Variants in CSRP2 observed in about 807,000 individuals in gnomAD.
The protein encoded by CSRP2 is cysteine and glycine-rich protein 2.
In CSRP2, 18 loss-of-function variants were observed where a neutral mutation model predicts 24.6. The observed-to-expected ratio is 0.73, with a 90% CI of 0.51 to 1.09. CSRP2 has a LOEUF of 1.09. Among genes scored for constraint, CSRP2 ranks in the 50% least tolerant of loss-of-function variants. CSRP2 has a pLI of 0.00. For missense variants in CSRP2, 215 were observed against 239.4 expected (o/e 0.90, Z 0.67); for synonymous variants, 87 against 84.3 (o/e 1.03, Z -0.18).
At chr12:76,863,652 A>C (rs988717362) in intron 2 of CSRP2, 5 of 222,968 alleles carry the variant, frequency 2.2e-5, no homozygotes, top group East Asian at 1.0e-4. Flanking sequence ...TGTGGTGCTG[A>C]TCAAACTCTT....
At chr12:76,868,089 T>C (rs11115918) in intron 1 of CSRP2, among the ~76,000 whole-genome samples, 56,934 of 152,000 alleles carry the variant, frequency 0.37, 11,373 homozygotes, top group East Asian at 0.65. Flanking sequence ...GAGAAGTGCT[T>C]ATTAAAATGT....
In CSRP2 at chr12:76,863,297, C is replaced by G. The variant is rs774169596; in HGVS notation, c.160G>C (p.Glu54Gln). ...TAGCAGGATTTGCAGTAGATCTCTT[C>G]ATCGTGAATTGCCACTGTTGTGCTA... is the stretch of plus-strand genomic sequence containing the variant. The part of the protein sequence containing the change: ...LDSTTVAIHD[E>Q]EIYCKSCYGK... The change falls in exon 3 of 6, where the codon GAA becomes CAA. Residue 54 changes from glutamate to glutamine, a missense_variant. By Grantham distance (29) the Glu-to-Gln change is conservative. Coordinates refer to ENST00000311083, the MANE Select transcript of CSRP2 (RefSeq NM_001321.3). The G allele has an allele frequency of 6.2e-7, 1 of 1,614,236 alleles. No homozygotes were observed. Among genetic ancestry groups the G allele is most frequent in the Non-Finnish European group, 8.5e-7 (1 of 1,180,046 alleles).
intron 1 of CSRP2, among the ~76,000 whole-genome samples, chr12:76,873,423 G>A (rs147035783): frequency 2.1e-3 from 315 of 152,284 alleles, no homozygotes; most frequent in African/African-American, 7.3e-3. Flanking sequence ...TACCCACTTA[G>A]TCTACTTCTC....
In CSRP2 at chr12:76,860,392, T is replaced by C. The variant is rs377118692; in HGVS notation, c.303A>G (p.Thr101=). ...CAAATTTAGAAGTGTTTGGATTTGT[T>C]GTAGGCCTGTGAGGCTGAACACTTG... ...KPESVQPHRP[T]TNPNTSKFAQ... is the part of the protein sequence containing the mutation. The change falls in exon 4 of 6, where the codon ACA becomes ACG. Residue 101 remains threonine (T), a synonymous_variant. Transcript: ENST00000311083. 28 of 1,613,568 alleles carry C rather than the reference T, an allele frequency of 1.7e-5. No individual in the cohort carries two copies. The highest frequency in any genetic ancestry group is 2.1e-5 in the Non-Finnish European group (25 of 1,179,896).
intron 2 of CSRP2, chr12:76,864,337 G>A (rs984599978): frequency 1.3e-5 from 2 of 152,166 alleles, no homozygotes; most frequent in Non-Finnish European, 2.9e-5. Flanking sequence ...GCTCGGAAGG[G>A]TAGGGTGTCG....
At chr12:76,874,089 C>T (rs1297128155) in intron 1 of CSRP2, among the ~76,000 whole-genome samples, 7 of 152,110 alleles carry the variant, frequency 4.6e-5, no homozygotes. Context: ...TAATAAATGA[C>T]ACAGAGGCAT....
intron 3 of CSRP2, chr12:76,862,598 G>T: frequency 1.8e-6 from 1 of 541,476 alleles, no homozygotes; most frequent in Non-Finnish European, 2.8e-6. Context: ...TATTTAACCT[G>T]AATATGAAAT....
chr12:76,868,178 T>C (rs10746289), intron 1 of CSRP2, among the ~76,000 whole-genome samples: 92,921 of 152,108 alleles, frequency 0.61, 28,476 homozygotes, highest in East Asian at 0.67. Flanking sequence ...GAAACTTTTA[T>C]GCCACAAAAA....
chr12:76,867,183 G>A lies in CSRP2; in HGVS notation c.-1-922C>T, dbSNP rs143016353. 2.8e-3 allele frequency among the ~76,000 whole-genome samples: 426 copies of A among 152,064 alleles called. 1 individual carries two copies. Among genetic ancestry groups the A allele is most frequent in the Middle Eastern group, 6.8e-3 (2 of 294 alleles). On this transcript the variant is annotated intron_variant, in intron 1 of 5. Transcript: ENST00000311083. The stretch of plus-strand genomic sequence containing the variant: ...CCTTCTCAACAAATTAGTCTGCCTC[G>A]ACCACTTTAAAATGCCTGGTTCTGG...
chr12:76,878,058 A>G (rs1953869845), intron 1 of CSRP2: 1 of 146,710 alleles, frequency 6.8e-6, no homozygotes, highest in African/African-American at 2.5e-5. Flanking sequence ...CAGGTTAAAC[A>G]TTTTGGGTAG....
At chr12:76,872,779 T>A (rs955726092) in intron 1 of CSRP2, among the ~76,000 whole-genome samples, 8 of 152,202 alleles carry the variant, frequency 5.3e-5, no homozygotes, top group African/African-American at 1.7e-4. Context: ...CCTCCCTGTG[T>A]CTCTGTACCG....
rs1369089750 is a variant in CSRP2 at position 76,859,025 on chromosome 12, C to T, written c.509G>A (p.Cys170Tyr). The change falls in exon 6 of 6, where the codon TGC becomes TAC. Residue 170 changes from cysteine to tyrosine, a missense_variant. Cys to Tyr is a radical substitution (Grantham distance 194). Transcript: ENST00000311083. The part of the protein sequence containing the change: ...EKEGEIYCKG[C>Y]YAKNFGPKGF... Reference sequence around the variant, plus strand: ...CTTGGGCCCAAAGTTCTTTGCATAGCATCCTACAAAGGAAAGGGAGGAAGG... The same window carrying T: ...CTTGGGCCCAAAGTTCTTTGCATAGTATCCTACAAAGGAAAGGGAGGAAGG... 1 of 1,614,156 alleles carries T rather than the reference C, an allele frequency of 6.2e-7. No homozygotes were observed. Among genetic ancestry groups the T allele is most frequent in the Middle Eastern group, 1.6e-4 (1 of 6,062 alleles).
At chr12:76,868,403 T>C (rs1953755917) in intron 1 of CSRP2, among the ~76,000 whole-genome samples, 1 of 152,182 alleles carries the variant, frequency 6.6e-6, no homozygotes, top group African/African-American at 2.4e-5. Flanking sequence ...GGTCTCATGA[T>C]AGTGAATAAG....
chr12:76,868,939 A>G (rs1288625236), intron 1 of CSRP2, among the ~76,000 whole-genome samples: 2 of 137,262 alleles, frequency 1.5e-5, no homozygotes, highest in South Asian at 2.4e-4. Context: ...CCTCAAAAGA[A>G]AAAAAAAAAA....
At chr12:76,875,169 A>T (rs1592514724) in intron 1 of CSRP2, among the ~76,000 whole-genome samples, 1 of 152,152 alleles carries the variant, frequency 6.6e-6, no homozygotes, top group East Asian at 1.9e-4. Context: ...CTTCCTCTCC[A>T]TCCAACTAGC....
chr12:76,859,664 A>C, intron 4 of CSRP2, 24 bp from the exon 5 acceptor site: 3 of 1,577,156 alleles, frequency 1.9e-6, no homozygotes, highest in South Asian at 2.2e-5. Flanking sequence ...ATGTGTCAGC[A>C]TGTTTGAGAG....
chr12:76,870,476 C>T (rs2137833176), intron 1 of CSRP2, among the ~76,000 whole-genome samples: 1 of 152,262 alleles, frequency 6.6e-6, no homozygotes, highest in South Asian at 2.1e-4. Flanking sequence ...ATCAAAGTTC[C>T]ACAACATTCA....
At chr12:76,860,519 C>G (rs528484905) in intron 3 of CSRP2, 106 bp from the exon 4 acceptor site, 3 of 1,359,942 alleles carry the variant, frequency 2.2e-6, no homozygotes, top group Non-Finnish European at 3.0e-6. Context: ...TACACTGCCT[C>G]AAAGCTGGAA....
Position 76,866,136 on chromosome 12 carries a change from G to A in CSRP2, c.112+13C>T, listed in dbSNP as rs1166013204. 1.3e-6 allele frequency: 2 copies of A among 1,591,366 alleles called. No homozygotes were observed. Among genetic ancestry groups the A allele is most frequent in the South Asian group, 1.1e-5 (1 of 90,462 alleles). On this transcript the variant is annotated intron_variant, in intron 2 of 5. Transcript: ENST00000311083. ...CAAATTCCGTCAAAGGTGGAGCATG[G>A]AGAGCTACTTACTGCAGAGAAAGCA...
Sources: allele counts gnomAD v4.1 joint callset (sites outside exome capture counted in the v4.1 genomes callset), GRCh38; gene constraint gnomAD v4.1.1; transcripts MANE v1.5; gene names NCBI Gene and HGNC (gene_info 2026-07-23, HGNC 2026-07-21).